VPS13B: variants seen among roughly 807,000 people sequenced by gnomAD.
The protein encoded by VPS13B is vacuolar protein sorting 13 homolog B, also known as intermembrane lipid transfer protein VPS13B.
A neutral mutation model predicts 426.4 loss-of-function variants in VPS13B; 285 were observed. The observed-to-expected ratio is 0.67, with a 90% CI of 0.61 to 0.74. The LOEUF (loss-of-function observed/expected upper bound fraction) is 0.74. VPS13B is among the 30% of genes least tolerant of loss of function. The pLI is 0.00. For synonymous variants in VPS13B, 1,676 were observed against 1,676.4 expected (o/e 1.00, Z 0.01); for missense variants, 4,537 against 4,782.6 (o/e 0.95, Z 1.51).
intron 21 of VPS13B, among the ~76,000 whole-genome samples, chr8:99,400,336 A>T (rs1020781731): frequency 3.3e-5 from 5 of 152,258 alleles, no homozygotes; most frequent in Admixed American, 6.5e-5. Flanking sequence ...CCTTCAGCAC[A>T]GCTGAGGCAG....
At chr8:99,601,809 T>G (rs1306686031) in intron 33 of VPS13B, among the ~76,000 whole-genome samples, 1 of 152,224 alleles carries the variant, frequency 6.6e-6, no homozygotes, top group African/African-American at 2.4e-5. Flanking sequence ...TTTTGAAAAG[T>G]GTCTGTTCAT....
intron 61 of VPS13B, among the ~76,000 whole-genome samples, chr8:99,873,861 T>G (rs1817561109): frequency 2.6e-5 from 4 of 152,188 alleles, no homozygotes; most frequent in African/African-American, 4.8e-5. Flanking sequence ...TCCACAGACA[T>G]GAGGAAGCCT....
intron 17 of VPS13B, among the ~76,000 whole-genome samples, chr8:99,259,343 T>TA (rs1340421350): frequency 3.9e-5 from 6 of 152,184 alleles, no homozygotes; most frequent in Non-Finnish European, 8.8e-5. Flanking sequence ...TAAAAAAATT[T>TA]AAAAAACAAA....
chr8:99,383,087 G>T (rs1033945661), intron 19 of VPS13B, among the ~76,000 whole-genome samples: 2 of 152,068 alleles, frequency 1.3e-5, no homozygotes, highest in Non-Finnish European at 2.9e-5. Flanking sequence ...TATATAACCC[G>T]CACATAAATT....
chr8:99,207,429 A>T (rs1216096525), intron 17 of VPS13B, among the ~76,000 whole-genome samples: 2 of 152,126 alleles, frequency 1.3e-5, no homozygotes, highest in African/African-American at 2.4e-5. Flanking sequence ...AATGTTTGTA[A>T]ATTTTTTTCT....
intron 31 of VPS13B, among the ~76,000 whole-genome samples, chr8:99,559,530 A>G (rs928179652): frequency 1.3e-5 from 2 of 152,086 alleles, no homozygotes; most frequent in Non-Finnish European, 2.9e-5. Context: ...TAGGGTTTTT[A>G]TGGTTTTAGG....
chr8:99,061,296 C>CTTTTTTTTTTTTTTTTTTTTT (rs36037937), intron 3 of VPS13B, among the ~76,000 whole-genome samples: 1 of 112,946 alleles, frequency 8.9e-6, no homozygotes, highest in Admixed American at 9.4e-5. Context: ...TGCTAATTTT[C>CTTTTTTTTTTTTTTTTTTTTT]TTTTTTTTTT....
At chr8:99,125,230 C>T (rs1848137847) in intron 8 of VPS13B, among the ~76,000 whole-genome samples, 1 of 152,076 alleles carries the variant, frequency 6.6e-6, no homozygotes, top group African/African-American at 2.4e-5. Flanking sequence ...CCTGAGAGCC[C>T]CTGGCAAACC....
intron 3 of VPS13B, among the ~76,000 whole-genome samples, chr8:99,046,166 C>A (rs1473563698): frequency 6.6e-6 from 1 of 152,114 alleles, no homozygotes; most frequent in Non-Finnish European, 1.5e-5. Context: ...ATTGATTCTA[C>A]CCATCCATGA....
At chr8:99,210,046 A>G (rs1300790519) in intron 17 of VPS13B, among the ~76,000 whole-genome samples, 1 of 152,176 alleles carries the variant, frequency 6.6e-6, no homozygotes, top group Non-Finnish European at 1.5e-5. Context: ...TTCTTTGATG[A>G]TAGTTTAAAT....
At chr8:99,642,981 G>T (rs1829433576) in intron 34 of VPS13B, among the ~76,000 whole-genome samples, 1 of 152,158 alleles carries the variant, frequency 6.6e-6, no homozygotes, top group African/African-American at 2.4e-5. Flanking sequence ...ATTATTTAAA[G>T]ATTTTTGTAC....
intron 35 of VPS13B, among the ~76,000 whole-genome samples, chr8:99,674,695 A>C (rs1039215134): frequency 6.6e-6 from 1 of 151,692 alleles, no homozygotes; most frequent in African/African-American, 2.4e-5. Context: ...AGTTTTCTCT[A>C]TTGGTATATT....
chr8:99,144,439 T>C (rs1810591241), intron 13 of VPS13B, among the ~76,000 whole-genome samples: 1 of 148,988 alleles, frequency 6.7e-6, no homozygotes, highest in African/African-American at 2.5e-5. Flanking sequence ...CAGTGAGCTG[T>C]GATTGTGCCA....
chr8:99,068,610 G>GT (rs1422107477), intron 3 of VPS13B, among the ~76,000 whole-genome samples: 6 of 152,160 alleles, frequency 3.9e-5, no homozygotes, highest in African/African-American at 1.4e-4. Context: ...TAAAGAAAAG[G>GT]TTTAATTGAC....
At chr8:99,445,594 T>G (rs1817875977) in intron 23 of VPS13B, among the ~76,000 whole-genome samples, 1 of 151,328 alleles carries the variant, frequency 6.6e-6, no homozygotes, top group Non-Finnish European at 1.5e-5. Context: ...CTGTGCTATG[T>G]TGGAAATTAT....
At chr8:99,237,584 G>A (rs1816707712) in intron 17 of VPS13B, among the ~76,000 whole-genome samples, 1 of 152,186 alleles carries the variant, frequency 6.6e-6, no homozygotes, top group Admixed American at 6.5e-5. Flanking sequence ...GACTGAAACA[G>A]AAAAAATCAC....
chr8:99,575,805 T>C (rs756140052), intron 32 of VPS13B, 21 bp downstream of exon 32: 8 of 1,609,904 alleles, frequency 5.0e-6, no homozygotes, highest in South Asian at 1.1e-5. Context: ...AATTTTGATT[T>C]TATTTTAGTC....
intron 15 of VPS13B, among the ~76,000 whole-genome samples, chr8:99,160,901 G>T (rs1240731647): frequency 6.6e-6 from 1 of 152,142 alleles, no homozygotes; most frequent in Non-Finnish European, 1.5e-5. Flanking sequence ...CAGACTAGAA[G>T]AACATGTTTT....
At chr8:99,265,220 CTAATATT>C (rs1394281766) in intron 17 of VPS13B, among the ~76,000 whole-genome samples, 1 of 152,092 alleles carries the variant, frequency 6.6e-6, no homozygotes, top group African/African-American at 2.4e-5. Flanking sequence ...TGATTTCCAT[CTAATATT>C]TAACAATCCT....
Sources: gnomAD v4.1 joint callset for allele counts (sites outside exome capture counted in the v4.1 genomes callset) on GRCh38, gnomAD v4.1.1 for gene constraint, MANE v1.5 for transcripts, NCBI Gene and HGNC (gene_info 2026-07-23, HGNC 2026-07-21) for gene names.